Variants in TECRL observed in about 807,000 individuals in gnomAD.
TECRL encodes the protein trans-2,3-enoyl-CoA reductase like.
In TECRL, 63 loss-of-function variants were observed where a neutral mutation model predicts 52.8. The ratio of observed to expected loss-of-function variants is 1.19; its 90% CI spans 0.97 to 1.47. TECRL has a LOEUF of 1.47. Among genes scored for constraint, TECRL ranks in the 40% most tolerant of loss-of-function variants. The pLI is 0.00. For missense variants in TECRL, 482 were observed against 429.6 expected, an observed-to-expected ratio of 1.12 and a Z score of -1.08; for synonymous variants, 164 against 141.9, an observed-to-expected ratio of 1.16 and a Z score of -1.10.
intron 2 of TECRL, among the ~76,000 whole-genome samples, chr4:64,365,018 C>A (rs1483537173): frequency 6.6e-6 from 1 of 151,914 alleles, no homozygotes; most frequent in Admixed American, 6.6e-5. Context: ...AAAACAGTAA[C>A]AAACTGAATT....
intron 4 of TECRL, among the ~76,000 whole-genome samples, chr4:64,317,704 T>A (rs1349834655): frequency 6.6e-6 from 1 of 152,208 alleles, no homozygotes; most frequent in Non-Finnish European, 1.5e-5. Flanking sequence ...AATGGAGATT[T>A]CTATTCTATA....
At chr4:64,301,566 CAT>C (rs1392617950) in intron 7 of TECRL, among the ~76,000 whole-genome samples, 1 of 150,222 alleles carries the variant, frequency 6.7e-6, no homozygotes, top group Non-Finnish European at 1.5e-5. Flanking sequence ...GTACTAATCA[CAT>C]GATAACAAAC....
At chr4:64,381,407 C>A (rs1012230370) in intron 1 of TECRL, among the ~76,000 whole-genome samples, 1 of 149,196 alleles carries the variant, frequency 6.7e-6, no homozygotes, top group Non-Finnish European at 1.5e-5. Flanking sequence ...CCTGATTGCT[C>A]TGAATAGGAT....
At chr4:64,393,553 A>G (rs1269152828) in intron 1 of TECRL, among the ~76,000 whole-genome samples, 2 of 152,090 alleles carry the variant, frequency 1.3e-5, no homozygotes, top group Non-Finnish European at 2.9e-5. Flanking sequence ...TCCTAAGGAC[A>G]TTAAAATTGA....
intron 2 of TECRL, among the ~76,000 whole-genome samples, chr4:64,358,114 G>T (rs1720907415): frequency 6.8e-6 from 1 of 147,294 alleles, no homozygotes; most frequent in Non-Finnish European, 1.5e-5. Context: ...AAAAAAAAAA[G>T]ACATTCTGAA....
chr4:64,288,991 G>A (rs552783745), intron 9 of TECRL, among the ~76,000 whole-genome samples: 15 of 152,268 alleles, frequency 9.9e-5, no homozygotes, highest in African/African-American at 3.6e-4. Context: ...TCTGGACAAC[G>A]TTTTGCAGGG....
chr4:64,283,599 C>A (rs1198821311), intron 9 of TECRL, among the ~76,000 whole-genome samples: 2 of 151,954 alleles, frequency 1.3e-5, no homozygotes, highest in Non-Finnish European at 2.9e-5. Flanking sequence ...TGCTAATTGG[C>A]AATTAAAAGC....
At chr4:64,365,718 G>A (rs1721551147) in intron 2 of TECRL, among the ~76,000 whole-genome samples, 2 of 151,906 alleles carry the variant, frequency 1.3e-5, no homozygotes, top group South Asian at 2.1e-4. Flanking sequence ...CACTGCTGAA[G>A]GCAATTAGAG....
At chr4:64,386,926 T>C (rs1190911366) in intron 1 of TECRL, among the ~76,000 whole-genome samples, 1 of 152,136 alleles carries the variant, frequency 6.6e-6, no homozygotes, top group Non-Finnish European at 1.5e-5. Flanking sequence ...ATATCTACAA[T>C]GACACATCAT....
intron 5 of TECRL, among the ~76,000 whole-genome samples, chr4:64,313,401 CAGAG>C (rs945038888): frequency 1.4e-5 from 2 of 147,044 alleles, no homozygotes; most frequent in African/African-American, 2.5e-5. Flanking sequence ...TACAGAGAGA[CAGAG>C]AGAGAAAGAT....
At chr4:64,312,675 A>G (rs1228896092) in intron 5 of TECRL, among the ~76,000 whole-genome samples, 2 of 152,054 alleles carry the variant, frequency 1.3e-5, no homozygotes, top group South Asian at 2.1e-4. Context: ...CTGAGGTGGT[A>G]AAATGGCTTG....
At chr4:64,298,291 G>C (rs962047976) in intron 8 of TECRL, among the ~76,000 whole-genome samples, 1 of 151,144 alleles carries the variant, frequency 6.6e-6, no homozygotes, top group Non-Finnish European at 1.5e-5. Flanking sequence ...ATCAGTGTTT[G>C]TCTAATTTAG....
At chr4:64,374,025 C>G (rs58075906) in intron 2 of TECRL, among the ~76,000 whole-genome samples, 4 of 52,036 alleles carry the variant, frequency 7.7e-5, no homozygotes, top group African/African-American at 2.1e-4. Flanking sequence ...ATAGTAGATA[C>G]ATATATATAT....
chr4:64,294,994 T>C (rs1407155562), intron 8 of TECRL, among the ~76,000 whole-genome samples: 1 of 151,852 alleles, frequency 6.6e-6, no homozygotes, highest in African/African-American at 2.4e-5. Context: ...TCAGCATTCA[T>C]AAACATTTTA....
rs768575047 is a variant in TECRL, at chr4:64,328,560, T to C, written c.287-4A>G. The C allele has an allele frequency of 1.2e-5, 19 of 1,608,504 alleles. No individual in the cohort carries two copies. Among genetic ancestry groups the C allele is most frequent in the East Asian group, 2.2e-5 (1 of 44,640 alleles). On this transcript the variant is annotated splice_polypyrimidine_tract_variant and splice_region_variant and intron_variant, in intron 2 of 11. Transcript: ENST00000381210. Reference sequence around the variant, plus strand: ...CGAGAAGGGTACCACTTTGGACCTATTCAATGAAAAATAACATTTAATTGT... The same window carrying C: ...CGAGAAGGGTACCACTTTGGACCTACTCAATGAAAAATAACATTTAATTGT...
In TECRL at chr4:64,409,135, T is replaced by G; in HGVS notation, c.217A>C (p.Ile73Leu). 1.2e-6 allele frequency: 2 copies of G among 1,610,646 alleles called. No homozygotes were observed. The highest frequency in any genetic ancestry group is 1.7e-6 in the Non-Finnish European group (2 of 1,178,516). ...AAACTCACCTTATCCAGAATACATA[T>G]CTGTTTCCTTGTTTGAGCATCAAAT... ...EIFDAQTRKQ[I>L]CILDKVTQSS... Residue 73 changes from isoleucine (I) to leucine (L), a missense_variant, in exon 1 of 12, where the codon ATA (isoleucine) becomes CTA (leucine). By Grantham distance (5) the Ile-to-Leu change is conservative. Transcript: ENST00000381210.
chr4:64,344,185 A>G (rs963189563), intron 2 of TECRL, among the ~76,000 whole-genome samples: 1 of 151,940 alleles, frequency 6.6e-6, no homozygotes, highest in African/African-American at 2.4e-5. Flanking sequence ...ACATATACAT[A>G]TATTATAGCT....
At chr4:64,382,533 C>T (rs982148106) in intron 1 of TECRL, among the ~76,000 whole-genome samples, 1 of 150,946 alleles carries the variant, frequency 6.6e-6, no homozygotes, top group East Asian at 1.9e-4. Flanking sequence ...CTAATCCTGT[C>T]TTCTTTTGGT....
chr4:64,345,963 A>G (rs1270823036), intron 2 of TECRL, among the ~76,000 whole-genome samples: 1 of 143,324 alleles, frequency 7.0e-6, no homozygotes, highest in Non-Finnish European at 1.5e-5. Flanking sequence ...TATTAAGTGG[A>G]TTTTTATTTA....
Sources: allele counts gnomAD v4.1 joint callset (sites outside exome capture counted in the v4.1 genomes callset), GRCh38; gene constraint gnomAD v4.1.1; transcripts MANE v1.5; gene names NCBI Gene and HGNC (gene_info 2026-07-23, HGNC 2026-07-21).